Variants in MAPT observed in about 807,000 individuals in gnomAD.
MAPT encodes the protein microtubule associated protein tau, also known as microtubule-associated protein tau.
A neutral mutation model predicts 67.9 loss-of-function variants in MAPT; 34 were observed. The observed-to-expected ratio is 0.50, with a 90% CI of 0.38 to 0.67. The LOEUF (loss-of-function observed/expected upper bound fraction) is 0.67. Ranked by LOEUF, MAPT falls within the 30% of genes least tolerant of loss-of-function variation. MAPT has a pLI of 0.00. For missense variants in MAPT, 881 were observed against 1,115.2 expected (o/e 0.79, Z 2.99); for synonymous variants, 456 against 464.5 (o/e 0.98, Z 0.23).
intron 1 of MAPT, among the ~76,000 whole-genome samples, chr17:45,903,842 TATATATTATATATTA>T (rs1330211868): frequency 2.5e-4 from 9 of 36,346 alleles, no homozygotes; most frequent in South Asian, 7.2e-4. Context: ...TTATATATTT[TATATATTATATATTA>T]TATATATTAT....
intron 1 of MAPT, among the ~76,000 whole-genome samples, chr17:45,935,991 C>CT (rs1460898239): frequency 2.6e-5 from 4 of 152,218 alleles, no homozygotes; most frequent in African/African-American, 9.7e-5. Flanking sequence ...GTGTGTACCT[C>CT]TTTGTCTCCA....
chr17:45,929,198 A>G (rs1054547467), intron 1 of MAPT, among the ~76,000 whole-genome samples: 2 of 152,220 alleles, frequency 1.3e-5, no homozygotes, highest in East Asian at 3.8e-4. Context: ...TTCATATTTC[A>G]TGAAATTTCA....
Position 46,026,238 on chromosome 17 carries a change from C to T in MAPT, c.*2067C>T, listed in dbSNP as rs1181542507. On this transcript the variant is annotated 3_prime_UTR_variant, in exon 13 of 13. Transcript: ENST00000262410. ...CTGGGGCCTCCCAAGTTTTGAAAGG[C>T]TTTCCTCAGCACCTGGGACCCAACA... 6.5e-6 allele frequency: 1 copy of T among 152,738 alleles called. No homozygotes were observed. The highest frequency in any genetic ancestry group is 1.5e-5 in the Non-Finnish European group (1 of 68,164). The allele number at this position is 152,738 out of a possible 1,614,324, so 9.5% of individuals were successfully genotyped here. A position where few individuals can be genotyped will look rare whatever the true frequency, so the allele number is the denominator to read the frequency against.
Position 45,971,998 on chromosome 17 carries a change from G to A in MAPT, c.220+53G>A, listed in dbSNP as rs374866028. On this transcript the variant is annotated intron_variant, in intron 3 of 12. Coordinates refer to ENST00000262410, the MANE Select transcript of MAPT (RefSeq NM_001377265.1). This position sits in a 1 kb window ranked among gnomAD's most constrained non-coding sequence, Gnocchi z 4.3. ...ATGCCTCCAGCCTGTGCTTAGCCGT[G>A]CTTTGAGCCTCCCTCCTGGCTGCAT... 45 of 1,380,406 alleles carry A rather than the reference G, an allele frequency of 3.3e-5. No individual in the cohort carries two copies. Among genetic ancestry groups the A allele is most frequent in the Non-Finnish European group, 4.1e-5 (40 of 969,544 alleles). 85.5% of individuals were successfully genotyped at this position (1,380,406 alleles called of 1,614,324 possible). A position where few individuals can be genotyped will look rare whatever the true frequency, so the allele number is the denominator to read the frequency against.
chr17:45,956,739 C>T (rs1056807206), intron 1 of MAPT, among the ~76,000 whole-genome samples: 3 of 151,288 alleles, frequency 2.0e-5, no homozygotes, highest in African/African-American at 7.3e-5. Context: ...AATGCTATCC[C>T]TCCCCACTCC....
At chr17:45,911,574 A>G (rs1265091529) in intron 1 of MAPT, among the ~76,000 whole-genome samples, 2 of 152,064 alleles carry the variant, frequency 1.3e-5, no homozygotes, top group Non-Finnish European at 2.9e-5. Flanking sequence ...CAGCCTGGGC[A>G]ACATAGGGAG....
intron 1 of MAPT, among the ~76,000 whole-genome samples, chr17:45,909,134 A>C (rs564535595): frequency 3.3e-5 from 5 of 152,256 alleles, no homozygotes; most frequent in Admixed American, 3.3e-4. Context: ...GGCAGAGGGC[A>C]TCTCTCTGTC....
intron 10 of MAPT, among the ~76,000 whole-genome samples, chr17:46,013,647 C>T (rs941054853): frequency 2.6e-5 from 4 of 152,198 alleles, no homozygotes; most frequent in Admixed American, 2.0e-4. Flanking sequence ...TGCTGAACTC[C>T]GCTGGGTCCT....
chr17:45,903,591 T>A (rs1330248668), intron 1 of MAPT, among the ~76,000 whole-genome samples: 1 of 147,610 alleles, frequency 6.8e-6, no homozygotes, highest in African/African-American at 2.5e-5. Flanking sequence ...GGCGGGCGCC[T>A]GTAGTCCCAG....
chr17:45,979,466 C>T (rs1040709723), intron 4 of MAPT: 6 of 152,206 alleles, frequency 3.9e-5, no homozygotes, highest in African/African-American at 9.7e-5. Flanking sequence ...GACTCTGCCT[C>T]GTTGAGGATA....
chr17:45,973,510 C>G (rs1322180812), intron 3 of MAPT: 1 of 152,256 alleles, frequency 6.6e-6, no homozygotes, highest in South Asian at 2.1e-4. Context: ...TTGGCTCCCA[C>G]CCCTGGTGGA....
chr17:45,931,222 C>T (rs140085173), intron 1 of MAPT, among the ~76,000 whole-genome samples: 1 of 152,290 alleles, frequency 6.6e-6, no homozygotes, highest in East Asian at 1.9e-4. Context: ...AGCCATTTGA[C>T]ACCCAGCGCT....
chr17:45,960,097 A>G, intron 1 of MAPT, among the ~76,000 whole-genome samples: 1 of 152,248 alleles, frequency 6.6e-6, no homozygotes, highest in African/African-American at 2.4e-5. Context: ...AAACCTTTGT[A>G]AATCCGCGGA....
chr17:45,919,406 A>G (rs1247205377), intron 1 of MAPT, among the ~76,000 whole-genome samples: 1 of 152,012 alleles, frequency 6.6e-6, no homozygotes, highest in African/African-American at 2.4e-5. Flanking sequence ...TCAGAGCCTC[A>G]TCCCAGCCCC....
rs143956882 is a variant in MAPT, at chr17:45,989,975, C to T, written c.1505C>T (p.Ser502Phe). Reference sequence around the variant, plus strand: ...AGCTCAGACCCTCTGATCCAACCCTCCAGCCCTGCTGTGTGCCCAGAGCCA... The same window carrying T: ...AGCTCAGACCCTCTGATCCAACCCTTCAGCCCTGCTGTGTGCCCAGAGCCA... The part of the protein sequence containing the change: ...PGSSDPLIQP[S>F]SPAVCPEPPS... The change falls in exon 7 of 13, where the codon TCC becomes TTC. Residue 502 changes from serine to phenylalanine, a missense_variant. Around this residue, in one of 6 missense-constraint regions of MAPT, gnomAD observed 687 missense variants for 766.1 expected, o/e 0.90. Transcript: ENST00000262410. The T allele has an allele frequency of 1.9e-3, 3,089 of 1,614,206 alleles. 10 individuals are homozygous for T. The highest frequency in any genetic ancestry group is 2.2e-3 in the Non-Finnish European group (2,577 of 1,180,020).
intron 9 of MAPT, chr17:45,999,387 T>C: frequency 6.2e-7 from 1 of 1,613,904 alleles, no homozygotes; most frequent in Non-Finnish European, 8.5e-7. Context: ...AGCCTCTGTG[T>C]GAGTGGATGA....
intron 1 of MAPT, among the ~76,000 whole-genome samples, chr17:45,961,976 T>C (rs1281189730): frequency 6.6e-6 from 1 of 152,124 alleles, no homozygotes; most frequent in East Asian, 1.9e-4. Flanking sequence ...GGTTTTACCA[T>C]GTTGGCCAGG....
At chr17:45,994,041 G>A (rs931994331) in intron 8 of MAPT, 1 of 1,479,418 alleles carries the variant, frequency 6.8e-7, no homozygotes, top group African/African-American at 1.4e-5. Context: ...TCACTGGCTT[G>A]TGTTTCTAGA....
intron 1 of MAPT, among the ~76,000 whole-genome samples, chr17:45,919,731 A>T (rs946792461): frequency 6.6e-6 from 1 of 152,176 alleles, no homozygotes; most frequent in African/African-American, 2.4e-5. Context: ...ACATAGTGAG[A>T]CCGCGTCTCT....
Sources: allele counts gnomAD v4.1 joint callset (sites outside exome capture counted in the v4.1 genomes callset), GRCh38; gene constraint gnomAD v4.1.1; regional missense constraint gnomAD v4.1.1; non-coding constraint Gnocchi (gnomAD v3.1); transcripts MANE v1.5; gene names NCBI Gene and HGNC (gene_info 2026-07-23, HGNC 2026-07-21).